CPT1C: variants seen among roughly 807,000 people sequenced by gnomAD.
CPT1C encodes carnitine palmitoyltransferase 1C, also known as palmitoyl thioesterase CPT1C.
Under a neutral mutation model 97.3 loss-of-function variants are expected in CPT1C, and 61 were observed. The observed-to-expected ratio is 0.63, with a 90% confidence interval of 0.51 to 0.78. The LOEUF (loss-of-function observed/expected upper bound fraction) is 0.78. CPT1C is among the 30% of genes least tolerant of loss of function. The probability of loss-of-function intolerance (pLI) is 0.00; values close to 1 mark genes in which losing one functional copy is unlikely to be tolerated. For synonymous variants in CPT1C, 469 were observed against 447.2 expected, an observed-to-expected ratio of 1.05 and a Z score of -0.61; for missense variants, 975 against 1,065.5, an observed-to-expected ratio of 0.92 and a Z score of 1.18.
At chr19:49,699,316 A>C (rs1372815472) in intron 4 of CPT1C, among the ~76,000 whole-genome samples, 1 of 151,504 alleles carries the variant, frequency 6.6e-6, no homozygotes, top group Non-Finnish European at 1.5e-5. Flanking sequence ...GAACAGACCC[A>C]GGATCAGATG....
intron 3 of CPT1C, among the ~76,000 whole-genome samples, chr19:49,693,565 T>C (rs2082471478): frequency 6.6e-6 from 1 of 152,168 alleles, no homozygotes. Flanking sequence ...ATTCACCATA[T>C]ATTTATGGGG....
At chr19:49,704,938 T>A in intron 8 of CPT1C, 69 bp from the exon 9 acceptor site, 1 of 1,435,324 alleles carries the variant, frequency 7.0e-7, no homozygotes, top group South Asian at 1.2e-5. Flanking sequence ...GACCTGTATT[T>A]GGGTCAGTGG....
In CPT1C at chr19:49,701,879, AAT is replaced by A. The variant is rs1186142967; in HGVS notation, c.693+254_693+255del. 1.4e-4 allele frequency among the ~76,000 whole-genome samples: 15 copies of A among 107,562 alleles called. 1 individual carries two copies. The highest frequency in any genetic ancestry group is 2.3e-4 in the Admixed American group (2 of 8,604). 70.6% of individuals were successfully genotyped at this position (107,562 alleles called of 152,430 possible). A position where few individuals can be genotyped will look rare whatever the true frequency, so the allele number is the denominator to read the frequency against. ...TATATAAATATATAGTGTATATATA[AAT>A]ATATATATTTATTTATAAATATATA... is the stretch of plus-strand genomic sequence containing the variant. On this transcript the variant is annotated intron_variant, in intron 7 of 19. Transcript: ENST00000598293.
rs1156501430 is a variant in CPT1C, at chr19:49,704,696, C to A, written c.694-14C>A. 8.7e-6 allele frequency: 14 copies of A among 1,612,564 alleles called. No individual in the cohort carries two copies. The African/African-American group carries it at 1.5e-4, about 17-fold the overall frequency. ...CCCAGCCCCTCACTGTGTGTCTCCCCACCCCGCTCCCAGGTCAGTGACTGG... is the reference window on the plus strand; with the variant it reads ...CCCAGCCCCTCACTGTGTGTCTCCCAACCCCGCTCCCAGGTCAGTGACTGG... On this transcript the variant is annotated splice_polypyrimidine_tract_variant and intron_variant, in intron 7 of 19. Coordinates refer to ENST00000598293, the MANE Select transcript of CPT1C (RefSeq NM_001199753.2).
rs375954352 is a variant in CPT1C, at chr19:49,704,836, G to C, written c.771+49G>C. ...CATAGGCCCCAGGTCTAGGGTTGGGGGGTACCTGGGCGGAATGTGACGGTC... is the reference window on the plus strand; with the variant it reads ...CATAGGCCCCAGGTCTAGGGTTGGGCGGTACCTGGGCGGAATGTGACGGTC... On this transcript the variant is annotated intron_variant, in intron 8 of 19. Coordinates refer to ENST00000598293, the MANE Select transcript of CPT1C (RefSeq NM_001199753.2). The C allele has an allele frequency of 4.5e-6, 7 of 1,560,294 alleles. No homozygotes were observed. In the African/African-American group the frequency reaches 6.8e-5, roughly 15 times the overall value.
At chr19:49,712,638 C>G (rs1415641449) in intron 17 of CPT1C, 98 bp from the exon 18 acceptor site, 3 of 869,256 alleles carry the variant, frequency 3.5e-6, no homozygotes, top group Non-Finnish European at 5.7e-6. Flanking sequence ...CCCGGATTTA[C>G]GGGTAAAAAA....
At chr19:49,704,672 C>G (rs1292135028) in intron 7 of CPT1C, 38 bp from the exon 8 acceptor site, 55 of 1,552,656 alleles carry the variant, frequency 3.5e-5, no homozygotes, top group Non-Finnish European at 4.8e-5. Flanking sequence ...CCAACAGGCC[C>G]CAGCCCCTCA....
chr19:49,701,267 C>A, intron 5 of CPT1C, 50 bp from the exon 6 acceptor site: 1 of 1,526,404 alleles, frequency 6.6e-7, no homozygotes, highest in East Asian at 2.3e-5. Context: ...GCCCCGTCAA[C>A]TCCCTGGCTC....
chr19:49,700,265 A>AAC lies in CPT1C; in HGVS notation c.282-418_282-417insCA, dbSNP rs753044923. Among the ~76,000 whole-genome samples the AAC allele has an allele frequency of 6.2e-3, 728 of 116,750 alleles. 9 individuals are homozygous for AAC. Among genetic ancestry groups the AAC allele is most frequent in the African/African-American group, 0.018 (676 of 36,978 alleles). The allele number at this position is 116,750 out of a possible 152,430, so 76.6% of individuals were successfully genotyped here. A position where few individuals can be genotyped will look rare whatever the true frequency, so the allele number is the denominator to read the frequency against. ...CCATCCCAAAAACAAAACAAAACAA[A>AAC]AAAAAAAACGCTGATTGCTGGACCC... On this transcript the variant is annotated intron_variant, in intron 4 of 19. Coordinates refer to ENST00000598293, the MANE Select transcript of CPT1C (RefSeq NM_001199753.2).
In CPT1C at chr19:49,712,865, C is replaced by A. The variant is rs552439061; in HGVS notation, c.2133+16C>A. Reference sequence around the variant, plus strand: ...ATTCGGGCCTGTGAGTGGAGCTGGGCGCGCTGGCCCCCAGAGGAAAGAGGG... The same window carrying A: ...ATTCGGGCCTGTGAGTGGAGCTGGGAGCGCTGGCCCCCAGAGGAAAGAGGG... On this transcript the variant is annotated intron_variant, in intron 18 of 19. Coordinates refer to ENST00000598293, the MANE Select transcript of CPT1C (RefSeq NM_001199753.2). 3.4e-6 allele frequency: 3 copies of A among 874,918 alleles called. No individual in the cohort carries two copies. The highest frequency in any genetic ancestry group is 3.8e-5 in the South Asian group (2 of 53,156). The allele number at this position is 874,918 out of a possible 1,614,324, so 54.2% of individuals were successfully genotyped here.
rs1384388903 is a variant in CPT1C at position 49,710,834 on chromosome 19, G to A, written c.1843G>A (p.Ala615Thr). The A allele has an allele frequency of 1.9e-6, 3 of 1,613,292 alleles. No individual in the cohort carries two copies. The highest frequency in any genetic ancestry group is 2.5e-6 in the Non-Finnish European group (3 of 1,179,482). The stretch of plus-strand genomic sequence containing the variant: ...GAGGGAGGCCTGCAACTTTGTCAGG[G>A]CCATGGAGGACAAAGAGAAGACGGT... ...CTREACNFVR[A>T]MEDKEKTDPQ... Residue 615 changes from alanine (A) to threonine (T), a missense_variant, in exon 16 of 20, where the codon GCC becomes ACC. Around this residue, in one of 3 missense-constraint regions of CPT1C, gnomAD observed 344 missense variants for 395.7 expected, o/e 0.87. Coordinates refer to ENST00000598293, the MANE Select transcript of CPT1C (RefSeq NM_001199753.2).
Position 49,691,230 on chromosome 19 carries a change from G to A in CPT1C, c.-194G>A, listed in dbSNP as rs2082330001. 6.6e-6 allele frequency: 1 copy of A among 151,934 alleles called. No individual in the cohort carries two copies. Among genetic ancestry groups the A allele is most frequent in the Non-Finnish European group, 1.5e-5 (1 of 67,996 alleles). 9.4% of individuals were successfully genotyped at this position (151,934 alleles called of 1,614,324 possible). ...CCCGGTGGTGGACTCCTTGCACTGG[G>A]ATTGGACATATGCAAGCGGGAGATT... On this transcript the variant is annotated 5_prime_UTR_variant, in exon 1 of 20. Coordinates refer to ENST00000598293, the MANE Select transcript of CPT1C (RefSeq NM_001199753.2).
intron 7 of CPT1C, among the ~76,000 whole-genome samples, chr19:49,702,628 A>G (rs572155163): frequency 5.5e-5 from 8 of 144,806 alleles, no homozygotes; most frequent in South Asian, 2.1e-4. Flanking sequence ...TCAAAAAAAA[A>G]AAAAGAAAAG....
chr19:49,711,420 T>A (rs2083880292), intron 16 of CPT1C: 1 of 186,324 alleles, frequency 5.4e-6, no homozygotes, highest in Admixed American at 5.6e-5. Context: ...ACTCCATTTT[T>A]ACAACGTAAC....
chr19:49,701,156 T>TCCCCCTCTCTCTGGGTCTCTGTC (rs1230959266), intron 5 of CPT1C, among the ~76,000 whole-genome samples, 161 bp from the exon 6 acceptor site: 23 of 110,474 alleles, frequency 2.1e-4, no homozygotes, highest in African/African-American at 6.7e-4. Flanking sequence ...TGGGTCTCTG[T>TCCCCCTCTCTCTGGGTCTCTGTC]CCCCTGTCTC....
intron 16 of CPT1C, 134 bp from the exon 17 acceptor site, chr19:49,711,675 C>T: frequency 1.1e-6 from 1 of 911,022 alleles, no homozygotes. Context: ...CTCAGTTCCC[C>T]ATCTGTAAAA....
At position 49,708,794 on chromosome 19, in the gene CPT1C, C is replaced by T. The variant is rs1263991975; in HGVS notation, c.1521C>T (p.Pro507=). Residue 507 remains proline (P), a synonymous_variant, in exon 14 of 20, where the codon CCC becomes CCT. Coordinates refer to ENST00000598293, the MANE Select transcript of CPT1C (RefSeq NM_001199753.2). ...GCCACTGCAAGGGGCACCCGGACCC[C>T]ACACTACCCCAGCCCCAGCGGCTGC... ...TDGHCKGHPD[P]TLPQPQRLQW... The T allele has an allele frequency of 6.2e-7, 1 of 1,613,880 alleles. No individual in the cohort carries two copies. The highest frequency in any genetic ancestry group is 1.3e-5 in the African/African-American group (1 of 74,908).
At chr19:49,704,274 C>T (rs1293561353) in intron 7 of CPT1C, among the ~76,000 whole-genome samples, 1 of 152,196 alleles carries the variant, frequency 6.6e-6, no homozygotes, top group Non-Finnish European at 1.5e-5. Context: ...CCGACTCAAG[C>T]GATTCTCCTG....
chr19:49,693,169 C>T (rs558694294), intron 3 of CPT1C, among the ~76,000 whole-genome samples: 4 of 152,304 alleles, frequency 2.6e-5, no homozygotes, highest in East Asian at 1.9e-4. Flanking sequence ...TGAGCCACCG[C>T]GCCCGGCCCA....
Sources: allele counts gnomAD v4.1 joint callset (sites outside exome capture counted in the v4.1 genomes callset), GRCh38; gene constraint gnomAD v4.1.1; regional missense constraint gnomAD v4.1.1; transcripts MANE v1.5; gene names NCBI Gene and HGNC (gene_info 2026-07-23, HGNC 2026-07-21).